The following COX7A2 variants were observed in gnomAD, a reference collection of about 807,000 sequenced individuals.
COX7A2 encodes the protein cytochrome c oxidase subunit 7A2, mitochondrial.
A neutral mutation model predicts 11.6 loss-of-function variants in COX7A2; 11 were observed. The ratio of observed to expected loss-of-function variants is 0.95; its 90% CI spans 0.60 to 1.57. The LOEUF is 1.57. Among genes scored for constraint, COX7A2 ranks in the 40% most tolerant of loss-of-function variants. COX7A2 has a pLI of 0.00. For missense variants in COX7A2, 106 were observed against 100.9 expected (o/e 1.05, Z -0.22); for synonymous variants, 30 against 38.2 (o/e 0.78, Z 0.79).
upstream of COX7A2, among the ~76,000 whole-genome samples, chr6:75,247,148 A>G (rs1771696673): frequency 6.6e-6 from 1 of 152,220 alleles, no homozygotes; most frequent in African/African-American, 2.4e-5. Flanking sequence ...ATGCGAAAGT[A>G]CTAAGTGAAA....
upstream of COX7A2, among the ~76,000 whole-genome samples, chr6:75,247,230 T>A (rs1330842063): frequency 6.6e-6 from 1 of 152,150 alleles, no homozygotes; most frequent in Non-Finnish European, 1.5e-5. Context: ...TTTTTCCTTG[T>A]CTGCTTTTTA....
chr6:75,240,388 A>T lies in COX7A2; in HGVS notation c.109-3T>A. 1 of 1,409,952 alleles carries T rather than the reference A, an allele frequency of 7.1e-7. No homozygotes were observed. The highest frequency in any genetic ancestry group is 9.4e-7 in the Non-Finnish European group (1 of 1,068,864). The allele number at this position is 1,409,952 out of a possible 1,614,324, so 87.3% of individuals were successfully genotyped here. A position where few individuals can be genotyped will look rare whatever the true frequency, so the allele number is the denominator to read the frequency against. On this transcript the variant is annotated splice_region_variant and splice_polypyrimidine_tract_variant and intron_variant, in intron 2 of 3. Coordinates refer to ENST00000684430, the MANE Select transcript of COX7A2 (RefSeq NM_001366293.2). ...TACAGTGGAATTTCATCATCCTCCT[A>T]GATTTAAAAAAAAAAAAAAAAGACA...
intron 1 of COX7A2, among the ~76,000 whole-genome samples, chr6:75,249,148 G>C (rs240428): frequency 6.6e-6 from 1 of 152,214 alleles, no homozygotes; most frequent in African/African-American, 2.4e-5. Context: ...GAGGCAGGAG[G>C]ATCGCTTGAA....
chr6:75,249,151 C>T (rs1051951479), intron 1 of COX7A2, among the ~76,000 whole-genome samples: 3 of 152,114 alleles, frequency 2.0e-5, no homozygotes, highest in African/African-American at 7.2e-5. Flanking sequence ...GCAGGAGGAT[C>T]GCTTGAACCT....
chr6:75,242,818 CAAAAA>C (rs201938542), intron 1 of COX7A2, among the ~76,000 whole-genome samples: 7,341 of 139,970 alleles, frequency 0.052, 297 homozygotes, highest in African/African-American at 0.1. Context: ...GACTACGTCT[CAAAAA>C]AAAAAATAAA....
At chr6:75,245,589 G>T (rs1419459479), upstream of COX7A2, among the ~76,000 whole-genome samples, 1 of 151,726 alleles carries the variant, frequency 6.6e-6, no homozygotes, top group East Asian at 1.9e-4. Context: ...CCCTTTACTG[G>T]ATCATTCCAT....
chr6:75,238,126 C>T (rs756169204), intron 3 of COX7A2, 138 bp from the exon 4 acceptor site: 17 of 431,662 alleles, frequency 3.9e-5, no homozygotes, highest in Non-Finnish European at 6.0e-5. Flanking sequence ...TTGATAGGTG[C>T]TGGAAAAATT....
intron 3 of COX7A2, among the ~76,000 whole-genome samples, chr6:75,238,704 C>CAAAAAA (rs35057968): frequency 1.6e-4 from 9 of 55,754 alleles, no homozygotes; most frequent in African/African-American, 3.0e-4. Flanking sequence ...AACTCCATCT[C>CAAAAAA]AAAAAAAAAA....
chr6:75,238,159 T>C (rs1232970430), intron 3 of COX7A2, among the ~76,000 whole-genome samples, 171 bp from the exon 4 acceptor site: 1 of 152,082 alleles, frequency 6.6e-6, no homozygotes, highest in Non-Finnish European at 1.5e-5. Context: ...ATGTAAAATA[T>C]ATTTAATCTA....
upstream of COX7A2, among the ~76,000 whole-genome samples, chr6:75,246,000 C>G (rs1771674377): frequency 6.6e-6 from 1 of 152,140 alleles, no homozygotes; most frequent in Admixed American, 6.5e-5. Flanking sequence ...TTTCCTGGAT[C>G]CTTATCCTCT....
chr6:75,242,264 G>A (rs994606809), intron 1 of COX7A2, among the ~76,000 whole-genome samples: 1 of 152,080 alleles, frequency 6.6e-6, no homozygotes, highest in Admixed American at 6.5e-5. Context: ...CAGTACTTTG[G>A]GAGGCCAAGG....
chr6:75,240,333 A>T lies in COX7A2; in HGVS notation c.161T>A (p.Leu54Gln). 6.2e-7 allele frequency: 1 copy of T among 1,611,190 alleles called. No homozygotes were observed. The highest frequency in any genetic ancestry group is 8.5e-7 in the Non-Finnish European group (1 of 1,179,068). The change falls in exon 3 of 4, where the codon CTG becomes CAG. Residue 54 changes from leucine (L) to glutamine (Q), a missense_variant. By Grantham distance (113) the Leu-to-Gln change is moderately radical. Coordinates refer to ENST00000684430, the MANE Select transcript of COX7A2 (RefSeq NM_001366293.2). ...TGTAAGAATCATGGTGGCTCTATAC[A>T]GGAGGGCATCAGCTACCCCACCCTT... ...YLKGGVADAL[L>Q]YRATMILTVG...
upstream of COX7A2, chr6:75,243,908 C>T (rs1771615477): frequency 3.1e-6 from 4 of 1,293,958 alleles, no homozygotes; most frequent in East Asian, 1.0e-4. Flanking sequence ...ACTAGAGCGG[C>T]AGTACGGCTC....
chr6:75,240,540 T>G, intron 2 of COX7A2, 155 bp from the exon 3 acceptor site: 1 of 562,758 alleles, frequency 1.8e-6, no homozygotes, highest in Non-Finnish European at 3.0e-6. Context: ...ACAATTTTCT[T>G]TATTCCGTCT....
intron 1 of COX7A2, among the ~76,000 whole-genome samples, chr6:75,241,495 T>C (rs1017007193): frequency 1.3e-5 from 2 of 152,230 alleles, no homozygotes; most frequent in Admixed American, 6.5e-5. Flanking sequence ...GCAATTCATA[T>C]AGATTCTAAC....
At chr6:75,244,600 T>C (rs72878587), upstream of COX7A2, among the ~76,000 whole-genome samples, 6,262 of 152,304 alleles carry the variant, frequency 0.041, 175 homozygotes, top group Non-Finnish European at 0.06. Flanking sequence ...TTATTTCTTG[T>C]ACTTACCCTC....
At chr6:75,243,151 A>G (rs889922079) in intron 1 of COX7A2, among the ~76,000 whole-genome samples, 3 of 152,200 alleles carry the variant, frequency 2.0e-5, no homozygotes, top group Non-Finnish European at 4.4e-5. Flanking sequence ...AATTTGGGGA[A>G]ATATTTCACA....
In COX7A2 at chr6:75,237,931, C is replaced by T; in HGVS notation, c.251G>A (p.Ter84=). ...AVASFPKKQE[*] ...AAGCGATTGCTGGGATGACTGAAGT[C>T]ACTCCTGCTTCTTGGGAAATGAAGC... Residue 84 remains the stop codon, a stop_retained_variant, in exon 4 of 4, where the codon TGA becomes TAA. Transcript: ENST00000684430. The T allele has an allele frequency of 6.2e-7, 1 of 1,606,848 alleles. No homozygotes were observed. The highest frequency in any genetic ancestry group is 8.5e-7 in the Non-Finnish European group (1 of 1,175,096).
chr6:75,244,454 A>G (rs907214193), upstream of COX7A2, among the ~76,000 whole-genome samples: 27 of 152,174 alleles, frequency 1.8e-4, no homozygotes, highest in African/African-American at 5.8e-4. Context: ...GCGAATCTGG[A>G]CTCAAAAGTC....
Sources: gnomAD v4.1 joint callset for allele counts (sites outside exome capture counted in the v4.1 genomes callset) on GRCh38, gnomAD v4.1.1 for gene constraint, MANE v1.5 for transcripts, NCBI Gene and HGNC (gene_info 2026-07-23, HGNC 2026-07-21) for gene names.